The following SLAMF6 variants were observed in gnomAD, a reference collection of about 807,000 sequenced individuals.
SLAMF6 encodes NK-T-B-antigen.
SLAMF6 carries 21 observed loss-of-function variants against 38.3 expected under a neutral mutation model. That is an observed-to-expected ratio of 0.55 (90% CI 0.39 to 0.79). The LOEUF is 0.79. SLAMF6 is among the 30% of genes least tolerant of loss of function. The probability of loss-of-function intolerance (pLI) is 0.00; values close to 1 mark genes in which losing one functional copy is unlikely to be tolerated. For missense variants in SLAMF6, 341 were observed against 385.3 expected (o/e 0.89, Z 0.96); for synonymous variants, 152 against 146.3 (o/e 1.04, Z -0.28).
intron 2 of SLAMF6, among the ~76,000 whole-genome samples, chr1:160,493,187 AC>A (rs1653395452): frequency 6.6e-6 from 1 of 151,302 alleles, no homozygotes; most frequent in Non-Finnish European, 1.5e-5. Context: ...CCTTCCCCTT[AC>A]TCTGCTCCTG....
chr1:160,491,500 T>C, intron 2 of SLAMF6, 112 bp from the exon 3 acceptor site: 3 of 1,459,354 alleles, frequency 2.1e-6, no homozygotes, highest in Non-Finnish European at 2.7e-6. Context: ...CTGTGTGTTA[T>C]GGTCTGTAGA....
At chr1:160,492,801 G>A (rs924804300) in intron 2 of SLAMF6, among the ~76,000 whole-genome samples, 5 of 152,038 alleles carry the variant, frequency 3.3e-5, no homozygotes, top group Non-Finnish European at 5.9e-5. Context: ...TGGAGTTATC[G>A]CTGATTCATA....
rs41266909 is a variant in SLAMF6 at position 160,490,754 on chromosome 1, T to C, written c.647-69A>G. The C allele has an allele frequency of 2.6e-3, 4,111 of 1,571,334 alleles. 15 individuals carry two copies. Among genetic ancestry groups the C allele is most frequent in the Non-Finnish European group, 2.4e-3 (2,803 of 1,161,702 alleles). ...AGGCCCACTGTTCTTGGAGCCTCCGTGGAGCCTCTTCTAGGCCATCTTTGG... is the reference window on the plus strand; with the variant it reads ...AGGCCCACTGTTCTTGGAGCCTCCGCGGAGCCTCTTCTAGGCCATCTTTGG... On this transcript the variant is annotated intron_variant, in intron 3 of 7. Transcript: ENST00000368057.
At chr1:160,520,587 A>G (rs958617487) in intron 1 of SLAMF6, among the ~76,000 whole-genome samples, 1 of 152,164 alleles carries the variant, frequency 6.6e-6, no homozygotes, top group African/African-American at 2.4e-5. Flanking sequence ...AACAAACGAG[A>G]TTTATTTTCT....
intron 2 of SLAMF6, among the ~76,000 whole-genome samples, chr1:160,494,546 G>A (rs1240361879): frequency 6.6e-6 from 1 of 152,144 alleles, no homozygotes. Flanking sequence ...TGGAAAAAAA[G>A]GGTCTTTGCA....
chr1:160,519,342 A>G (rs1422210008), intron 1 of SLAMF6, among the ~76,000 whole-genome samples: 1 of 152,224 alleles, frequency 6.6e-6, no homozygotes, highest in Non-Finnish European at 1.5e-5. Context: ...TGGAGAAATT[A>G]TAACTCTTGT....
At position 160,491,107 on chromosome 1, in the gene SLAMF6, C is replaced by T. The variant is rs973229587; in HGVS notation, c.646+18G>A. On this transcript the variant is annotated intron_variant, in intron 3 of 7. Transcript: ENST00000368057. ...CCCATAGCTGCTCAAGGCTCTCAGA[C>T]CTGAGGCAGGCTGTTACCTTCGCAA... The T allele has an allele frequency of 2.5e-6, 4 of 1,612,342 alleles. No individual in the cohort carries two copies. In the African/African-American group the frequency reaches 5.3e-5, roughly 22 times the overall value.
At chr1:160,522,739 A>G (rs773649584) in intron 1 of SLAMF6, among the ~76,000 whole-genome samples, 9 of 152,126 alleles carry the variant, frequency 5.9e-5, no homozygotes, top group Admixed American at 3.9e-4. Context: ...AGATGAGGAT[A>G]GTGAGGTTCA....
chr1:160,520,149 T>C (rs1654920611), intron 1 of SLAMF6, among the ~76,000 whole-genome samples: 1 of 152,120 alleles, frequency 6.6e-6, no homozygotes, highest in African/African-American at 2.4e-5. Context: ...TGTGGACGGT[T>C]GGTAAAAAGT....
chr1:160,503,748 C>A (rs1381600953), intron 1 of SLAMF6, among the ~76,000 whole-genome samples: 1 of 152,018 alleles, frequency 6.6e-6, no homozygotes, highest in African/African-American at 2.4e-5. Context: ...TCAACTTTGT[C>A]AGAACTGTAG....
chr1:160,522,637 T>TA (rs1655035558), intron 1 of SLAMF6, among the ~76,000 whole-genome samples: 2 of 151,548 alleles, frequency 1.3e-5, no homozygotes, highest in Non-Finnish European at 2.9e-5. Context: ...CCTTTTTTTT[T>TA]GCAATGAGCA....
intron 1 of SLAMF6, among the ~76,000 whole-genome samples, chr1:160,504,898 A>T (rs1654103312): frequency 6.6e-6 from 1 of 152,238 alleles, no homozygotes; most frequent in African/African-American, 2.4e-5. Context: ...AGAAGACTCT[A>T]AGATTTTATC....
Position 160,491,398 on chromosome 1 carries a change from GAAA to G in SLAMF6, c.383-13_383-11del. Reference sequence around the variant, plus strand: ...ATGTTCCTCAGTTGTCCTGTTTGCAGAAAAAAAAAAGATCCAGATTAAGGACAA... The same window carrying G: ...ATGTTCCTCAGTTGTCCTGTTTGCAGAAAAAAAGATCCAGATTAAGGACAA... On this transcript the variant is annotated splice_polypyrimidine_tract_variant and intron_variant, in intron 2 of 7. Coordinates refer to ENST00000368057, the MANE Select transcript of SLAMF6 (RefSeq NM_001184714.2). The G allele has an allele frequency of 6.8e-7, 1 of 1,464,342 alleles. No individual in the cohort carries two copies. Among genetic ancestry groups the G allele is most frequent in the Non-Finnish European group, 9.2e-7 (1 of 1,081,990 alleles). 90.7% of individuals were successfully genotyped at this position (1,464,342 alleles called of 1,614,324 possible). A position where few individuals can be genotyped will look rare whatever the true frequency, so the allele number is the denominator to read the frequency against.
At chr1:160,492,319 G>A (rs981153023) in intron 2 of SLAMF6, among the ~76,000 whole-genome samples, 1 of 152,162 alleles carries the variant, frequency 6.6e-6, no homozygotes, top group Non-Finnish European at 1.5e-5. Context: ...TGGAGTATCT[G>A]TACTGAAATA....
At chr1:160,518,727 G>A (rs1360492556) in intron 1 of SLAMF6, among the ~76,000 whole-genome samples, 1 of 152,052 alleles carries the variant, frequency 6.6e-6, no homozygotes, top group Non-Finnish European at 1.5e-5. Context: ...GAGAACACAT[G>A]GACACAAGAA....
intron 1 of SLAMF6, among the ~76,000 whole-genome samples, chr1:160,505,335 C>T (rs1466585393): frequency 6.6e-6 from 1 of 152,172 alleles, no homozygotes; most frequent in Non-Finnish European, 1.5e-5. Flanking sequence ...GACCCATTCA[C>T]AGGTGAAATA....
chr1:160,497,541 G>A (rs926401231), intron 1 of SLAMF6, among the ~76,000 whole-genome samples: 4 of 151,966 alleles, frequency 2.6e-5, no homozygotes, highest in Non-Finnish European at 4.4e-5. Context: ...TAGATATGGG[G>A]GTACATGTGC....
At chr1:160,494,582 T>C (rs775667211) in intron 2 of SLAMF6, among the ~76,000 whole-genome samples, 1 of 152,196 alleles carries the variant, frequency 6.6e-6, no homozygotes, top group Non-Finnish European at 1.5e-5. Context: ...TATGACATTA[T>C]CCAGTATAAC....
intron 1 of SLAMF6, among the ~76,000 whole-genome samples, chr1:160,515,324 CCCTGA>C (rs1654685018): frequency 1.3e-5 from 2 of 152,086 alleles, no homozygotes; most frequent in South Asian, 4.2e-4. Context: ...GAAGCTGAAT[CCCTGA>C]ATAGACCAAT....
Sources: allele counts gnomAD v4.1 joint callset (sites outside exome capture counted in the v4.1 genomes callset), GRCh38; gene constraint gnomAD v4.1.1; transcripts MANE v1.5; gene names NCBI Gene and HGNC (gene_info 2026-07-23, HGNC 2026-07-21).